Variants in CLCN4 observed in about 807,000 individuals in gnomAD.
CLCN4 encodes H(+)/Cl(-) exchange transporter 4.
In CLCN4, 1 loss-of-function variant was observed where a neutral mutation model predicts 41.7. That is an observed-to-expected ratio of 0.02 (90% CI 0.01 to 0.11). The LOEUF is 0.11. Ranked by LOEUF, CLCN4 falls within the 10% of genes least tolerant of loss-of-function variation. The probability of loss-of-function intolerance (pLI) is 1.00; values close to 1 mark genes in which losing one functional copy is unlikely to be tolerated. For missense variants in CLCN4, 287 were observed against 661.0 expected (o/e 0.43, Z 6.20); for synonymous variants, 277 against 285.8 (o/e 0.97, Z 0.31).
chrX:10,235,352 C>T lies in CLCN4; in HGVS notation c.*1768C>T, dbSNP rs1925225732. On this transcript the variant is annotated 3_prime_UTR_variant, in exon 13 of 13. Transcript: ENST00000380833. ...AGTCTGTCACGTGGCTCCCCCTAGCCGCACACTAGTGTGGGAAGGAAAATA... is the reference window on the plus strand; with the variant it reads ...AGTCTGTCACGTGGCTCCCCCTAGCTGCACACTAGTGTGGGAAGGAAAATA... The T allele has an allele frequency of 8.9e-6, 1 of 111,850 alleles. No homozygotes were observed. The highest frequency in any genetic ancestry group is 3.3e-5 in the African/African-American group (1 of 30,690). 9.2% of individuals were successfully genotyped at this position (111,850 alleles called of 1,213,427 possible).
intron 4 of CLCN4, among the ~76,000 whole-genome samples, chrX:10,192,500 G>A (rs1480863119): frequency 9.0e-6 from 1 of 111,279 alleles, no homozygotes; most frequent in Non-Finnish European, 1.9e-5. Flanking sequence ...GTAGGAGAGC[G>A]TGGCACATTC....
At chrX:10,205,607 CTTTTTTTTTT>C (rs923729645) in intron 6 of CLCN4, among the ~76,000 whole-genome samples, 1 of 90,655 alleles carries the variant, frequency 1.1e-5, no homozygotes, top group Non-Finnish European at 2.2e-5. Context: ...TGGCATATTC[CTTTTTTTTTT>C]TTTTTTTTGA....
chrX:10,199,328 T>G (rs1924177032), intron 6 of CLCN4, among the ~76,000 whole-genome samples: 1 of 112,330 alleles, frequency 8.9e-6, no homozygotes, highest in Admixed American at 9.4e-5. Context: ...AAGAGGAACC[T>G]AGTAAAAACA....
At chrX:10,229,325 A>AT (rs901669170) in intron 12 of CLCN4, among the ~76,000 whole-genome samples, 4 of 110,576 alleles carry the variant, frequency 3.6e-5, no homozygotes, top group Non-Finnish European at 7.6e-5. Flanking sequence ...AAAAACATTT[A>AT]TTTAAATTTT....
chrX:10,205,277 T>C, intron 6 of CLCN4, among the ~76,000 whole-genome samples: 1 of 110,362 alleles, frequency 9.1e-6, no homozygotes, highest in Middle Eastern at 4.7e-3. Flanking sequence ...ATGGAGTCCA[T>C]CCTGGCTAAC....
intron 12 of CLCN4, among the ~76,000 whole-genome samples, chrX:10,223,415 A>G (rs760248473): frequency 8.6e-4 from 96 of 112,022 alleles, no homozygotes; most frequent in African/African-American, 2.5e-3. Context: ...GTGCTTCAAG[A>G]AAGCAAAATC....
chrX:10,217,182 C>T (rs944186483), intron 11 of CLCN4, among the ~76,000 whole-genome samples: 4 of 109,006 alleles, frequency 3.7e-5, no homozygotes, highest in Admixed American at 9.9e-5. Context: ...CTCACTGCAG[C>T]CTCTACCCAC....
At chrX:10,212,084 A>G (rs1003511148) in intron 9 of CLCN4, among the ~76,000 whole-genome samples, 2 of 111,690 alleles carry the variant, frequency 1.8e-5, no homozygotes, top group Non-Finnish European at 3.8e-5. Context: ...GTGGCTTGAC[A>G]TTTAATTTTA....
intron 6 of CLCN4, among the ~76,000 whole-genome samples, chrX:10,200,795 C>T (rs888856979): frequency 1.8e-5 from 2 of 111,929 alleles, no homozygotes; most frequent in Non-Finnish European, 3.8e-5. Context: ...TTCAGGCAGT[C>T]CTCCTGCCTC....
intron 6 of CLCN4, 114 bp from the exon 7 acceptor site, chrX:10,206,244 C>A (rs1924384837): frequency 4.0e-6 from 2 of 504,161 alleles, no homozygotes; most frequent in Admixed American, 3.7e-5. Context: ...GTTTCTGTTC[C>A]ATGCTATTGA....
At chrX:10,169,106 T>G (rs1189303419) in intron 2 of CLCN4, among the ~76,000 whole-genome samples, 3 of 111,709 alleles carry the variant, frequency 2.7e-5, no homozygotes, top group African/African-American at 9.8e-5. Flanking sequence ...TTGGGGTTTG[T>G]TGAGCTTCTT....
chrX:10,175,237 A>T (rs1248106947), intron 2 of CLCN4, among the ~76,000 whole-genome samples: 1 of 111,452 alleles, frequency 9.0e-6, no homozygotes, highest in African/African-American at 3.3e-5. Flanking sequence ...GGCCGTGGGG[A>T]GGATGGCAGG....
chrX:10,221,458 C>T (rs532406663), intron 12 of CLCN4, among the ~76,000 whole-genome samples: 10 of 110,946 alleles, frequency 9.0e-5, no homozygotes, highest in African/African-American at 2.6e-4. Context: ...CCCAGGAGTT[C>T]GAGACCAGCC....
At chrX:10,165,150 A>G (rs923081396) in intron 2 of CLCN4, among the ~76,000 whole-genome samples, 1 of 112,619 alleles carries the variant, frequency 8.9e-6, no homozygotes, top group African/African-American at 3.2e-5. Flanking sequence ...CCATCTTCAC[A>G]CTGTTCTTGA....
intron 9 of CLCN4, among the ~76,000 whole-genome samples, chrX:10,210,524 A>G (rs1444265815): frequency 9.0e-6 from 1 of 111,274 alleles, no homozygotes; most frequent in Middle Eastern, 4.2e-3. Context: ...AAAATATAAA[A>G]TAGAGACCAA....
chrX:10,220,170 C>T (rs1029928508), intron 11 of CLCN4, among the ~76,000 whole-genome samples: 18 of 111,652 alleles, frequency 1.6e-4, no homozygotes, highest in African/African-American at 4.9e-4. Flanking sequence ...CTGGGCTGGC[C>T]GTATTGGTTT....
rs1279068234 is a variant in CLCN4, at chrX:10,235,574, G to T, written c.*1990G>T. The T allele has an allele frequency of 9.0e-6, 1 of 111,150 alleles. No individual in the cohort carries two copies. 9.2% of individuals were successfully genotyped at this position (111,150 alleles called of 1,213,427 possible). On this transcript the variant is annotated 3_prime_UTR_variant, in exon 13 of 13. Transcript: ENST00000380833. ...GTTCCCCACCCCTTTTCTCAGATTTGACCTAGAATTCCCAGCCCAAATCCA... is the reference window on the plus strand; with the variant it reads ...GTTCCCCACCCCTTTTCTCAGATTTTACCTAGAATTCCCAGCCCAAATCCA...
chrX:10,180,397 C>T (rs939253755), intron 2 of CLCN4, among the ~76,000 whole-genome samples: 3 of 111,374 alleles, frequency 2.7e-5, no homozygotes, highest in Non-Finnish European at 3.8e-5. Flanking sequence ...GGCTGAGCCA[C>T]GCAAGGTGAT....
intron 2 of CLCN4, among the ~76,000 whole-genome samples, chrX:10,173,472 C>T (rs1242894827): frequency 6.3e-5 from 7 of 110,955 alleles, no homozygotes; most frequent in Non-Finnish European, 1.3e-4. Flanking sequence ...CTGCGCACCC[C>T]GGGCTGGGAA....
Sources: gnomAD v4.1 joint callset for allele counts (sites outside exome capture counted in the v4.1 genomes callset) on GRCh38, gnomAD v4.1.1 for gene constraint, MANE v1.5 for transcripts, NCBI Gene and HGNC (gene_info 2026-07-23, HGNC 2026-07-21) for gene names.